Variants in CAMK4 observed in about 807,000 individuals in gnomAD.
CAMK4 encodes the protein calcium/calmodulin dependent protein kinase IV, also known as calcium/calmodulin-dependent protein kinase type IV.
In CAMK4, 22 loss-of-function variants were observed where a neutral mutation model predicts 44.9. That is an observed-to-expected ratio of 0.49 (90% CI 0.35 to 0.70). The LOEUF (loss-of-function observed/expected upper bound fraction) is 0.70, where lower values mean the gene tolerates loss of function less well. Ranked by LOEUF, CAMK4 falls within the 30% of genes least tolerant of loss-of-function variation. CAMK4 has a pLI of 0.01. For synonymous variants in CAMK4, 218 were observed against 215.4 expected (o/e 1.01, Z -0.11); for missense variants, 498 against 586.8 (o/e 0.85, Z 1.56).
intron 1 of CAMK4, among the ~76,000 whole-genome samples, chr5:111,277,254 C>T (rs1750805463): frequency 6.6e-6 from 1 of 152,214 alleles, no homozygotes; most frequent in Admixed American, 6.5e-5. Flanking sequence ...AGGCTTTCAA[C>T]CACTTACACT....
At chr5:111,401,986 T>G (rs558033564) in intron 5 of CAMK4, among the ~76,000 whole-genome samples, 21 of 152,356 alleles carry the variant, frequency 1.4e-4, no homozygotes, top group African/African-American at 4.8e-4. Context: ...TAAGAGGCAC[T>G]GAGACTGTTT....
intron 1 of CAMK4, among the ~76,000 whole-genome samples, chr5:111,273,756 C>T (rs13185541): frequency 1.4e-5 from 2 of 142,860 alleles, no homozygotes; most frequent in East Asian, 2.2e-4. Flanking sequence ...CTCACACACA[C>T]ATACACACAC....
At chr5:111,444,452 C>T (rs1199530803) in intron 5 of CAMK4, among the ~76,000 whole-genome samples, 2 of 152,154 alleles carry the variant, frequency 1.3e-5, no homozygotes, top group African/African-American at 4.8e-5. Context: ...GTGGTATCCC[C>T]TGGCAGGAAA....
At chr5:111,451,640 A>G (rs969290731) in intron 7 of CAMK4, among the ~76,000 whole-genome samples, 2 of 152,176 alleles carry the variant, frequency 1.3e-5, no homozygotes, top group African/African-American at 4.8e-5. Context: ...GCAGTGGCTC[A>G]TGCCTATAAT....
chr5:111,256,631 A>G (rs1422811035), intron 1 of CAMK4, among the ~76,000 whole-genome samples: 1 of 152,196 alleles, frequency 6.6e-6, no homozygotes, highest in East Asian at 1.9e-4. Context: ...CTTACCAATC[A>G]ATATCGGTAA....
At chr5:111,250,266 A>G (rs1256416164) in intron 1 of CAMK4, among the ~76,000 whole-genome samples, 2 of 152,228 alleles carry the variant, frequency 1.3e-5, no homozygotes, top group Non-Finnish European at 2.9e-5. Flanking sequence ...GACAGAGTAC[A>G]TGAATACACC....
intron 3 of CAMK4, among the ~76,000 whole-genome samples, chr5:111,376,254 T>C (rs1433422997): frequency 6.6e-6 from 1 of 151,970 alleles, no homozygotes; most frequent in Non-Finnish European, 1.5e-5. Flanking sequence ...GATTCTCGTA[T>C]ATATGGAGAA....
At chr5:111,477,240 A>C (rs1290962505) in intron 8 of CAMK4, among the ~76,000 whole-genome samples, 1 of 152,136 alleles carries the variant, frequency 6.6e-6, no homozygotes, top group African/African-American at 2.4e-5. Context: ...CAGGCCTTGC[A>C]TTTTTCTCAC....
At chr5:111,336,373 T>A (rs1200878846) in intron 1 of CAMK4, among the ~76,000 whole-genome samples, 1 of 151,250 alleles carries the variant, frequency 6.6e-6, no homozygotes. Context: ...ATGCTTTATG[T>A]CAAAATAGTT....
At chr5:111,427,962 G>A (rs1753290978) in intron 5 of CAMK4, among the ~76,000 whole-genome samples, 1 of 152,238 alleles carries the variant, frequency 6.6e-6, no homozygotes, top group East Asian at 1.9e-4. Context: ...TTCAAGTCTG[G>A]CCCAGCACAG....
chr5:111,327,168 T>G (rs1243259950), intron 1 of CAMK4, among the ~76,000 whole-genome samples: 1 of 123,296 alleles, frequency 8.1e-6, no homozygotes, highest in Non-Finnish European at 1.7e-5. Context: ...CTCCCCCAAC[T>G]CCACAACAGT....
intron 5 of CAMK4, among the ~76,000 whole-genome samples, chr5:111,433,978 T>A (rs763061790): frequency 6.6e-6 from 1 of 152,152 alleles, no homozygotes; most frequent in Non-Finnish European, 1.5e-5. Context: ...GGTGTTTGGA[T>A]ATATGGGGGT....
intron 1 of CAMK4, among the ~76,000 whole-genome samples, chr5:111,340,224 C>G (rs1440199160): frequency 6.6e-6 from 1 of 150,978 alleles, no homozygotes; most frequent in Non-Finnish European, 1.5e-5. Context: ...CTTTGCCTTG[C>G]CTAATTGTTC....
intron 6 of CAMK4, among the ~76,000 whole-genome samples, chr5:111,448,390 G>C (rs1251935677): frequency 1.3e-5 from 2 of 151,976 alleles, no homozygotes; most frequent in Non-Finnish European, 2.9e-5. Flanking sequence ...TCTCCTCTCT[G>C]TCAATAAATT....
rs1749503823 is a variant in CAMK4, at chr5:111,338,486, A to AATG, written c.162-5536_162-5535insGAT. Among the ~76,000 whole-genome samples, 3 of 151,182 alleles carry AATG rather than the reference A, an allele frequency of 2.0e-5. No homozygotes were observed. In the South Asian group the frequency reaches 6.2e-4, roughly 31 times the overall value. On this transcript the variant is annotated intron_variant, in intron 1 of 10. Coordinates refer to ENST00000282356, the MANE Select transcript of CAMK4 (RefSeq NM_001744.6). ...TTAGTTTAATTAGGTCCCATTTGTC[A>AATG]ATTTTTGTTTTTGTTGCAACTTCTT...
chr5:111,435,875 CA>C (rs1753626734), intron 5 of CAMK4, among the ~76,000 whole-genome samples: 1 of 152,132 alleles, frequency 6.6e-6, no homozygotes, highest in South Asian at 2.1e-4. Context: ...CTCTTAATCT[CA>C]ACATCTTCTC....
intron 4 of CAMK4, among the ~76,000 whole-genome samples, chr5:111,392,726 AT>A (rs1751848139): frequency 6.6e-6 from 1 of 152,154 alleles, no homozygotes; most frequent in Non-Finnish European, 1.5e-5. Context: ...ATATATATTT[AT>A]TTTTTAATTC....
At chr5:111,371,095 T>G (rs17133188) in intron 2 of CAMK4, among the ~76,000 whole-genome samples, 16,360 of 152,062 alleles carry the variant, frequency 0.11, 1,443 homozygotes, top group East Asian at 0.24. Flanking sequence ...AATGTATGCT[T>G]TTTTCACTAA....
chr5:111,481,174 CAAT>C (rs1167939518), intron 9 of CAMK4, among the ~76,000 whole-genome samples: 2 of 151,926 alleles, frequency 1.3e-5, no homozygotes, highest in Non-Finnish European at 2.9e-5. Flanking sequence ...CATTGACTTT[CAAT>C]AAATTCTTTG....
Sources: allele counts gnomAD v4.1 joint callset (sites outside exome capture counted in the v4.1 genomes callset), GRCh38; gene constraint gnomAD v4.1.1; transcripts MANE v1.5; gene names NCBI Gene and HGNC (gene_info 2026-07-23, HGNC 2026-07-21).